NCK1: variants seen among roughly 807,000 people sequenced by gnomAD.
The protein encoded by NCK1 is SH2/SH3 adapter protein NCK1.
In NCK1, 19 loss-of-function variants were observed where a neutral mutation model predicts 36.6. The observed-to-expected ratio is 0.52, with a 90% CI of 0.36 to 0.76. The LOEUF (loss-of-function observed/expected upper bound fraction) is 0.76, where lower values mean the gene tolerates loss of function less well. NCK1 is among the 30% of genes least tolerant of loss of function. The probability of loss-of-function intolerance (pLI) is 0.00; values close to 1 mark genes in which losing one functional copy is unlikely to be tolerated. For synonymous variants in NCK1, 165 were observed against 156.0 expected (o/e 1.06, Z -0.43); for missense variants, 358 against 445.6 (o/e 0.80, Z 1.77).
chr3:136,927,957 A>G (rs1940288174), intron 1 of NCK1, 27 bp from the exon 2 acceptor site: 1 of 1,478,924 alleles, frequency 6.8e-7, no homozygotes, highest in Non-Finnish European at 9.4e-7. Flanking sequence ...TCAACCTTAC[A>G]TAAAAATATT....
chr3:136,898,712 T>G (rs1939456612), intron 1 of NCK1, among the ~76,000 whole-genome samples: 1 of 152,170 alleles, frequency 6.6e-6, no homozygotes. Flanking sequence ...CTGTGCGAGA[T>G]AAAACTGAAC....
intron 2 of NCK1, among the ~76,000 whole-genome samples, chr3:136,941,141 T>TG (rs1940664401): frequency 8.7e-6 from 1 of 115,234 alleles, no homozygotes; most frequent in Non-Finnish European, 1.7e-5. Flanking sequence ...TTTTGGAGGG[T>TG]GGGGGTCAGG....
rs1444244618 is a variant in NCK1 at position 136,867,243 on chromosome 3, CCGTCCGTCTG to C, written c.-19+4891_-19+4900del. On this transcript the variant is annotated intron_variant, in intron 1 of 3. Transcript: ENST00000481752. The stretch of plus-strand genomic sequence containing the variant: ...TCCTTCCGTCCATCCATCCGTCTGT[CCGTCCGTCTG>C]TCTCTCTCTCTCTTTCTTTCTTTCT... Among the ~76,000 whole-genome samples the C allele has an allele frequency of 2.8e-5, 2 of 70,782 alleles. 1 individual carries two copies. The highest frequency in any genetic ancestry group is 6.6e-5 in the Non-Finnish European group (2 of 30,260). The allele number at this position is 70,782 out of a possible 152,430, so 46.4% of individuals were successfully genotyped here.
intron 2 of NCK1, among the ~76,000 whole-genome samples, chr3:136,937,257 A>T (rs1024420230): frequency 2.0e-5 from 3 of 152,188 alleles, no homozygotes; most frequent in African/African-American, 7.2e-5. Context: ...ACCATTGATG[A>T]AAATCAATTG....
chr3:136,924,778 TC>T (rs1179301223), intron 1 of NCK1, among the ~76,000 whole-genome samples: 8 of 152,186 alleles, frequency 5.3e-5, no homozygotes, highest in South Asian at 2.1e-4. Flanking sequence ...TGCCTAGTGT[TC>T]CATTATTGGA....
chr3:136,935,499 C>T (rs1940507360), intron 2 of NCK1, among the ~76,000 whole-genome samples: 1 of 152,018 alleles, frequency 6.6e-6, no homozygotes, highest in Admixed American at 6.6e-5. Flanking sequence ...GTGATTGCAG[C>T]TTTATTTATA....
At chr3:136,893,658 T>C (rs1447759022) in intron 1 of NCK1, among the ~76,000 whole-genome samples, 1 of 152,174 alleles carries the variant, frequency 6.6e-6, no homozygotes, top group African/African-American at 2.4e-5. Flanking sequence ...CTCTTTATCT[T>C]TGTTTTTGAG....
intron 1 of NCK1, among the ~76,000 whole-genome samples, chr3:136,891,642 A>T (rs1386240928): frequency 6.6e-6 from 1 of 152,188 alleles, no homozygotes; most frequent in East Asian, 1.9e-4. Context: ...GTACCATCTT[A>T]TCTTCCCACC....
chr3:136,910,772 C>A (rs112302738), intron 1 of NCK1, among the ~76,000 whole-genome samples: 10 of 152,154 alleles, frequency 6.6e-5, no homozygotes, highest in Non-Finnish European at 1.2e-4. Flanking sequence ...GTTTACATAT[C>A]ATTTTCATAA....
chr3:136,936,527 G>A (rs148006126), intron 2 of NCK1, among the ~76,000 whole-genome samples: 13 of 152,148 alleles, frequency 8.5e-5, no homozygotes, highest in South Asian at 2.1e-4. Context: ...TTGCTGGATC[G>A]TATGGTAATT....
chr3:136,888,946 T>G (rs997549112), intron 1 of NCK1: 5 of 151,954 alleles, frequency 3.3e-5, no homozygotes, highest in Non-Finnish European at 1.5e-5. Flanking sequence ...CACAGCTCAC[T>G]GCAACCTCTG....
intron 1 of NCK1, among the ~76,000 whole-genome samples, chr3:136,878,856 A>G (rs919803739): frequency 6.6e-6 from 1 of 152,142 alleles, no homozygotes; most frequent in Admixed American, 6.6e-5. Context: ...CAAGCGTTCT[A>G]CAGAAAACAC....
chr3:136,945,937 T>C lies in NCK1; in HGVS notation c.581T>C (p.Val194Ala). 6.2e-7 allele frequency: 1 copy of C among 1,614,110 alleles called. No individual in the cohort carries two copies. The highest frequency in any genetic ancestry group is 1.1e-5 in the South Asian group (1 of 91,076). The stretch of plus-strand genomic sequence containing the variant: ...CTAAATACTGGGCAAGTGTTGCATG[T>C]GGTACAGGCTCTTTACCCATTCAGC... ...NNLNTGQVLH[V>A]VQALYPFSSS... The change falls in exon 3 of 4, where the codon GTG becomes GCG. Residue 194 changes from valine to alanine, a missense_variant. By Grantham distance (64) the Val-to-Ala change is moderately conservative. Around this residue, in one of 3 missense-constraint regions of NCK1, gnomAD observed 207 missense variants for 253.4 expected, o/e 0.82. Coordinates refer to ENST00000481752, the MANE Select transcript of NCK1 (RefSeq NM_001291999.2).
At chr3:136,896,653 C>T (rs950110823) in intron 1 of NCK1, among the ~76,000 whole-genome samples, 2 of 152,040 alleles carry the variant, frequency 1.3e-5, no homozygotes, top group Admixed American at 1.3e-4. Flanking sequence ...CCCCACCACA[C>T]CTGGCTAATT....
chr3:136,917,629 C>G (rs1197660377), intron 1 of NCK1, among the ~76,000 whole-genome samples: 1 of 152,116 alleles, frequency 6.6e-6, no homozygotes, highest in Non-Finnish European at 1.5e-5. Flanking sequence ...TCCTGTCATG[C>G]CTCTGGTTTC....
chr3:136,912,162 CTTTTT>C (rs57596314), intron 1 of NCK1, among the ~76,000 whole-genome samples: 3 of 128,158 alleles, frequency 2.3e-5, no homozygotes, highest in Non-Finnish European at 4.8e-5. Flanking sequence ...ATTATTTTTT[CTTTTT>C]TTTTTTTTTT....
intron 2 of NCK1, among the ~76,000 whole-genome samples, chr3:136,932,583 T>C (rs984467645): frequency 6.6e-6 from 1 of 152,238 alleles, no homozygotes; most frequent in Non-Finnish European, 1.5e-5. Flanking sequence ...TATGTGGTAT[T>C]TCTTAGTTCT....
At chr3:136,874,073 A>G (rs1048516135) in intron 1 of NCK1, among the ~76,000 whole-genome samples, 2 of 151,924 alleles carry the variant, frequency 1.3e-5, no homozygotes, top group Non-Finnish European at 2.9e-5. Flanking sequence ...GTAGTATTCC[A>G]TTGGATGAAT....
chr3:136,944,205 G>A lies in NCK1; in HGVS notation c.227-1378G>A, dbSNP rs369145816. Among the ~76,000 whole-genome samples the A allele has an allele frequency of 3.7e-4, 51 of 138,864 alleles. No homozygotes were observed. The East Asian group carries it at 0.011, about 30-fold the overall frequency. The allele number at this position is 138,864 out of a possible 152,430, so 91.1% of individuals were successfully genotyped here. On this transcript the variant is annotated intron_variant, in intron 2 of 3. Transcript: ENST00000481752. ...GTGATCTTGGCTCACTGCAACCTCCGCCTGCCAGGTTCAAACGATTCTCCT... is the reference window on the plus strand; with the variant it reads ...GTGATCTTGGCTCACTGCAACCTCCACCTGCCAGGTTCAAACGATTCTCCT...
Sources: gnomAD v4.1 joint callset for allele counts (sites outside exome capture counted in the v4.1 genomes callset) on GRCh38, gnomAD v4.1.1 for gene constraint, gnomAD v4.1.1 regional missense constraint, MANE v1.5 for transcripts, NCBI Gene and HGNC (gene_info 2026-07-23, HGNC 2026-07-21) for gene names.